Variants in ANXA4 observed in about 807,000 individuals in gnomAD.
ANXA4 encodes the protein annexin A4.
ANXA4 carries 39 observed loss-of-function variants against 49.8 expected under a neutral mutation model. The ratio of observed to expected loss-of-function variants is 0.78; its 90% CI spans 0.61 to 1.02. The LOEUF is 1.02. Ranked by LOEUF, ANXA4 falls within the 50% of genes least tolerant of loss-of-function variation. The pLI is 0.00. For missense variants in ANXA4, 360 were observed against 410.1 expected, an observed-to-expected ratio of 0.88 and a Z score of 1.05; for synonymous variants, 134 against 152.5, an observed-to-expected ratio of 0.88 and a Z score of 0.89.
chr2:69,741,756 C>T (rs1670404358), upstream of ANXA4, among the ~76,000 whole-genome samples: 2 of 152,234 alleles, frequency 1.3e-5, no homozygotes, highest in African/African-American at 4.8e-5. Flanking sequence ...CGAGGTGGCC[C>T]GGGCTCGGCC....
chr2:69,764,164 T>C (rs1437097497), intron 1 of ANXA4, among the ~76,000 whole-genome samples: 1 of 152,104 alleles, frequency 6.6e-6, no homozygotes, highest in African/African-American at 2.4e-5. Flanking sequence ...GAACTGGAGA[T>C]CAATGCCAAT....
At chr2:69,753,082 G>A (rs1670913824) in intron 1 of ANXA4, among the ~76,000 whole-genome samples, 1 of 152,178 alleles carries the variant, frequency 6.6e-6, no homozygotes, top group Non-Finnish European at 1.5e-5. Context: ...ATTCGTAATA[G>A]TTCTCACATG....
intron 3 of ANXA4, among the ~76,000 whole-genome samples, chr2:69,733,542 G>T (rs982710176): frequency 6.6e-5 from 10 of 151,716 alleles, no homozygotes; most frequent in Admixed American, 6.6e-4. Flanking sequence ...AGCACAGGAA[G>T]TTGAGACTTC....
chr2:69,667,352 GAA>G (rs1481229450), intron 2 of ANXA4, among the ~76,000 whole-genome samples: 2 of 151,824 alleles, frequency 1.3e-5, no homozygotes, highest in South Asian at 2.1e-4. Flanking sequence ...TTGAAAAAAA[GAA>G]AGAGATCCTT....
chr2:69,796,884 A>C (rs1290479810), intron 3 of ANXA4, among the ~76,000 whole-genome samples: 2 of 152,104 alleles, frequency 1.3e-5, no homozygotes, highest in Non-Finnish European at 2.9e-5. Context: ...AAGAGAGCTG[A>C]GTCAATTGTG....
chr2:69,662,998 T>C (rs1305784024), intron 2 of ANXA4, among the ~76,000 whole-genome samples: 2 of 145,892 alleles, frequency 1.4e-5, no homozygotes, highest in Non-Finnish European at 3.0e-5. Flanking sequence ...TTTTCTTTTT[T>C]TTTTTTTTTT....
chr2:69,661,178 T>G (rs1676702450), intron 2 of ANXA4, among the ~76,000 whole-genome samples: 1 of 139,176 alleles, frequency 7.2e-6, no homozygotes. Flanking sequence ...TGTACCCAGT[T>G]AAGCATACTT....
At chr2:69,709,050 T>C (rs959091003) in intron 2 of ANXA4, among the ~76,000 whole-genome samples, 2 of 152,246 alleles carry the variant, frequency 1.3e-5, no homozygotes, top group Non-Finnish European at 2.9e-5. Context: ...AAGATGCCTC[T>C]GATATGAACC....
intron 1 of ANXA4, among the ~76,000 whole-genome samples, chr2:69,772,908 T>C (rs1671785833): frequency 6.6e-6 from 1 of 151,884 alleles, no homozygotes; most frequent in Non-Finnish European, 1.5e-5. Flanking sequence ...TCCAAGCTAC[T>C]TGGGAGGCTG....
At chr2:69,742,595 C>A (rs1670442629) in intron 1 of ANXA4, among the ~76,000 whole-genome samples, 1 of 152,234 alleles carries the variant, frequency 6.6e-6, no homozygotes. Context: ...AAGAAACTTA[C>A]TCCTTTCTCC....
intron 2 of ANXA4, among the ~76,000 whole-genome samples, chr2:69,665,564 C>A (rs1232363478): frequency 6.6e-6 from 1 of 152,128 alleles, no homozygotes; most frequent in African/African-American, 2.4e-5. Context: ...ACAAGCAGAA[C>A]ATTTCCAGAT....
intron 2 of ANXA4, among the ~76,000 whole-genome samples, chr2:69,698,104 G>A: frequency 6.6e-6 from 1 of 152,118 alleles, no homozygotes; most frequent in East Asian, 1.9e-4. Context: ...AGTCTGATGT[G>A]GCCTGCTTTC....
intron 3 of ANXA4, among the ~76,000 whole-genome samples, chr2:69,725,373 T>G (rs960005260): frequency 4.0e-5 from 6 of 148,344 alleles, no homozygotes; most frequent in Non-Finnish European, 7.4e-5. Flanking sequence ...ATATATAAAT[T>G]TATTATTTAT....
intron 8 of ANXA4, among the ~76,000 whole-genome samples, chr2:69,813,759 T>C (rs1673815570): frequency 2.6e-5 from 2 of 76,932 alleles, no homozygotes; most frequent in Admixed American, 1.4e-4. Flanking sequence ...TCTCTCTCTC[T>C]TTTTTTTTTT....
Position 69,820,759 on chromosome 2 carries a change from A to G in ANXA4, c.844A>G (p.Met282Val). 1.2e-6 allele frequency: 2 copies of G among 1,614,120 alleles called. No homozygotes were observed. Among genetic ancestry groups the G allele is most frequent in the East Asian group, 2.2e-5 (1 of 44,876 alleles). The stretch of plus-strand genomic sequence containing the variant: ...GATGGTTTCTCGAGCAGAAATTGAC[A>G]TGTTGGATATCCGGGCACACTTCAA... The part of the protein sequence containing the change: ...RVMVSRAEID[M>V]LDIRAHFKRL... Residue 282 changes from methionine to valine, a missense_variant, in exon 12 of 13, where the codon ATG (methionine) becomes GTG (valine). By Grantham distance (21) the Met-to-Val change is conservative. Coordinates refer to ENST00000394295, the MANE Select transcript of ANXA4 (RefSeq NM_001153.5).
chr2:69,691,673 G>C (rs527448695), intron 2 of ANXA4, among the ~76,000 whole-genome samples: 2 of 152,030 alleles, frequency 1.3e-5, no homozygotes, highest in African/African-American at 4.8e-5. Flanking sequence ...AACCCAGAGA[G>C]CTGTGGAACA....
intron 2 of ANXA4, among the ~76,000 whole-genome samples, chr2:69,657,733 T>C (rs528953655): frequency 6.6e-6 from 1 of 152,322 alleles, no homozygotes; most frequent in East Asian, 1.9e-4. Context: ...TCTGGATTGA[T>C]TTATGCTACT....
intron 2 of ANXA4, among the ~76,000 whole-genome samples, chr2:69,690,702 C>G (rs1424471386): frequency 6.6e-6 from 1 of 152,140 alleles, no homozygotes; most frequent in East Asian, 1.9e-4. Flanking sequence ...AACCTTATTC[C>G]TTTTTAGGTG....
intron 1 of ANXA4, among the ~76,000 whole-genome samples, chr2:69,772,660 C>G (rs1003400447): frequency 2.6e-5 from 4 of 152,204 alleles, no homozygotes; most frequent in Non-Finnish European, 5.9e-5. Context: ...TTTACACATA[C>G]TATCTGATAT....
Sources: gnomAD v4.1 joint callset for allele counts (sites outside exome capture counted in the v4.1 genomes callset) on GRCh38, gnomAD v4.1.1 for gene constraint, MANE v1.5 for transcripts, NCBI Gene and HGNC (gene_info 2026-07-23, HGNC 2026-07-21) for gene names.